The following TNC variants were observed in gnomAD, a reference collection of about 807,000 sequenced individuals.
TNC encodes tenascin.
Under a neutral mutation model 202.4 loss-of-function variants are expected in TNC, and 109 were observed. The ratio of observed to expected loss-of-function variants is 0.54; its 90% confidence interval spans 0.46 to 0.63. The LOEUF (loss-of-function observed/expected upper bound fraction) is 0.63, where lower values mean the gene tolerates loss of function less well. TNC is among the 30% of genes least tolerant of loss of function. The pLI, the probability that TNC is intolerant of heterozygous loss-of-function variation, is 0.00. For synonymous variants in TNC, 1,007 were observed against 1,089.7 expected, an observed-to-expected ratio of 0.92 and a Z score of 1.50; for missense variants, 2,756 against 2,833.3, an observed-to-expected ratio of 0.97 and a Z score of 0.62.
At chr9:115,097,819 G>A (rs942983692) in intron 1 of TNC, among the ~76,000 whole-genome samples, 1 of 152,168 alleles carries the variant, frequency 6.6e-6, no homozygotes, top group African/African-American at 2.4e-5. Context: ...ATAAAATAAT[G>A]CATAGGAAAG....
chr9:115,113,481 G>C (rs1476189362), intron 1 of TNC, among the ~76,000 whole-genome samples: 2 of 152,116 alleles, frequency 1.3e-5, no homozygotes, highest in African/African-American at 4.8e-5. Context: ...TTATCCCCTA[G>C]GATTCTCCTA....
At chr9:115,037,182 T>C (rs1405873743) in intron 20 of TNC, among the ~76,000 whole-genome samples, 2 of 152,188 alleles carry the variant, frequency 1.3e-5, no homozygotes, top group South Asian at 2.1e-4. Context: ...CCTCTCTTAG[T>C]TGGTTACCAT....
At chr9:115,113,347 T>C (rs1837222643) in intron 1 of TNC, among the ~76,000 whole-genome samples, 1 of 152,200 alleles carries the variant, frequency 6.6e-6, no homozygotes, top group African/African-American at 2.4e-5. Context: ...GGTAAGCTAC[T>C]TAAACGTTTT....
At position 115,077,936 on chromosome 9, in the gene TNC, CT is replaced by C; in HGVS notation, c.2674+6del. On this transcript the variant is annotated splice_donor_region_variant and intron_variant, in intron 7 of 27. Transcript: ENST00000350763. ...ACTATATCTGTTAACAGGGGGAGGC[CT>C]TTTACCTGTTGTGAAGGTCTCTTTG... The C allele has an allele frequency of 6.2e-7, 1 of 1,613,110 alleles. No homozygotes were observed. Among genetic ancestry groups the C allele is most frequent in the Non-Finnish European group, 8.5e-7 (1 of 1,179,224 alleles).
At position 115,035,264 on chromosome 9, in the gene TNC, G is replaced by C; in HGVS notation, c.5727C>G (p.Pro1909=). 1.9e-6 allele frequency: 3 copies of C among 1,613,424 alleles called. No homozygotes were observed. The highest frequency in any genetic ancestry group is 3.3e-4 in the Middle Eastern group (2 of 6,060). The change falls in exon 22 of 28, where the codon CCC becomes CCG. Residue 1909 remains proline (P), a synonymous_variant. Coordinates refer to ENST00000350763, the MANE Select transcript of TNC (RefSeq NM_002160.4). ...GGTAACCGGTGACTGATGCCCGGGG[G>C]GGTCGCCAGGTAAGGAGGGCAGTTT... ...QSETALLTWR[P]PRASVTGYLL...
chr9:115,110,106 T>A (rs904167695), intron 1 of TNC, among the ~76,000 whole-genome samples: 3 of 152,130 alleles, frequency 2.0e-5, no homozygotes, highest in African/African-American at 7.2e-5. Flanking sequence ...GGGCATCTAA[T>A]TTACCTGGAG....
At chr9:115,089,211 G>A (rs1476811829) in intron 2 of TNC, among the ~76,000 whole-genome samples, 2 of 152,192 alleles carry the variant, frequency 1.3e-5, no homozygotes, top group Admixed American at 6.5e-5. Context: ...CTGCAGAGCC[G>A]TAAGACTATT....
chr9:115,042,480 G>T, intron 17 of TNC, 139 bp from the exon 18 acceptor site: 2 of 1,148,724 alleles, frequency 1.7e-6, no homozygotes, highest in Non-Finnish European at 1.2e-6. Context: ...TGGAGAATGT[G>T]GTGATCTGTG....
intron 26 of TNC, 22 bp from the exon 27 acceptor site, chr9:115,024,158 G>A: frequency 6.2e-7 from 1 of 1,606,092 alleles, no homozygotes; most frequent in Non-Finnish European, 8.5e-7. Flanking sequence ...AGAAAATATG[G>A]ACCTGAGAAA....
At chr9:115,060,480 T>G (rs1832462583) in intron 13 of TNC, among the ~76,000 whole-genome samples, 1 of 152,208 alleles carries the variant, frequency 6.6e-6, no homozygotes, top group Admixed American at 6.5e-5. Context: ...TTGATGGTAC[T>G]GTTTCATGGG....
At position 115,064,841 on chromosome 9, in the gene TNC, T is replaced by C. The variant is rs1028663858; in HGVS notation, c.3293A>G (p.Asp1098Gly). Residue 1098 changes from aspartate to glycine, a missense_variant, in exon 11 of 28, where the codon GAC (aspartate) becomes GGC (glycine). Transcript: ENST00000350763. ...AATGATAAAGTGCTCATAGGCCTGG[T>C]CAGCTGCGGTCCAGTTGAGTCTGAG... ...DGLRLNWTAA[D>G]QAYEHFIIQV... is the part of the protein sequence containing the mutation. 24 of 1,614,076 alleles carry C rather than the reference T, an allele frequency of 1.5e-5. 1 individual carries two copies. The highest frequency in any genetic ancestry group is 1.7e-5 in the Non-Finnish European group (20 of 1,180,046).
chr9:115,075,524 C>T (rs1833778851), intron 9 of TNC, among the ~76,000 whole-genome samples: 1 of 152,194 alleles, frequency 6.6e-6, no homozygotes, highest in South Asian at 2.1e-4. Flanking sequence ...TAGTGACTCA[C>T]ACCTGTAATC....
intron 7 of TNC, 138 bp downstream of exon 7, chr9:115,077,805 T>A (rs1833990625): frequency 1.1e-6 from 1 of 905,448 alleles, no homozygotes; most frequent in Admixed American, 3.2e-5. Flanking sequence ...TACAATATTT[T>A]AAAATTTACA....
At position 115,029,430 on chromosome 9, in the gene TNC, G is replaced by C. The variant is rs58547879; in HGVS notation, c.6099C>G (p.Arg2033=). Residue 2033 remains arginine, a synonymous_variant, in exon 25 of 28, where the codon CGC becomes CGG. Transcript: ENST00000350763. ...WIVFLRRKNG[R]ENFYQNWKAY... ...CCTTCCAGTTTTGGTAGAAGTTCTC[G>C]CGTCCGTTTTTGCGTCTCAGGAACA... The C allele has an allele frequency of 1.2e-6, 2 of 1,613,944 alleles. No homozygotes were observed. Among genetic ancestry groups the C allele is most frequent in the Non-Finnish European group, 1.7e-6 (2 of 1,180,018 alleles).
Position 115,059,963 on chromosome 9 carries a change from A to G in TNC, c.4073T>C (p.Val1358Ala). The G allele has an allele frequency of 6.2e-7, 1 of 1,614,046 alleles. No homozygotes were observed. Among genetic ancestry groups the G allele is most frequent in the Non-Finnish European group, 8.5e-7 (1 of 1,179,978 alleles). ...PQLGDLAVSE[V>A]GWDGLRLNWT... ...GTTGAGTCTGAGGCCATCCCAGCCA[A>G]CCTCAGACACGGCTAAATCTCCCAG... is the stretch of plus-strand genomic sequence containing the variant. The change falls in exon 14 of 28, where the codon GTT becomes GCT. Residue 1358 changes from valine to alanine, a missense_variant. Around this residue, in one of 2 missense-constraint regions of TNC, gnomAD observed 2,559 missense variants for 2,546.0 expected, o/e 1.01. Transcript: ENST00000350763.
chr9:115,065,534 T>G (rs1249845699), intron 10 of TNC, among the ~76,000 whole-genome samples: 1 of 152,198 alleles, frequency 6.6e-6, no homozygotes. Context: ...GAGCTTCAGT[T>G]TTCATTTTGG....
chr9:115,059,058 G>C (rs1450913744), intron 14 of TNC, among the ~76,000 whole-genome samples: 1 of 152,210 alleles, frequency 6.6e-6, no homozygotes. Flanking sequence ...AAAAGCTGCT[G>C]TGTGTACTTG....
intron 18 of TNC, 43 bp from the exon 19 acceptor site, chr9:115,041,127 T>C: frequency 6.4e-7 from 1 of 1,573,714 alleles, no homozygotes; most frequent in Non-Finnish European, 8.7e-7. Context: ...TGAACCTCAC[T>C]GACACTTATT....
intron 13 of TNC, among the ~76,000 whole-genome samples, chr9:115,061,188 A>G (rs1011651062): frequency 6.6e-6 from 1 of 152,234 alleles, no homozygotes; most frequent in African/African-American, 2.4e-5. Flanking sequence ...AGATATAGAT[A>G]CTTGCTCTTG....
Sources: gnomAD v4.1 joint callset for allele counts (sites outside exome capture counted in the v4.1 genomes callset) on GRCh38, gnomAD v4.1.1 for gene constraint, gnomAD v4.1.1 regional missense constraint, MANE v1.5 for transcripts, NCBI Gene and HGNC (gene_info 2026-07-23, HGNC 2026-07-21) for gene names.